Variants in FBXL7 observed in about 807,000 individuals in gnomAD.
FBXL7 encodes F-box/LRR-repeat protein 7.
In FBXL7, 12 loss-of-function variants were observed where a neutral mutation model predicts 38.3. The ratio of observed to expected loss-of-function variants is 0.31; its 90% CI spans 0.20 to 0.51. The LOEUF is 0.51. FBXL7 is among the 20% of genes least tolerant of loss of function. The probability of loss-of-function intolerance (pLI) is 0.98; values close to 1 mark genes in which losing one functional copy is unlikely to be tolerated. For synonymous variants in FBXL7, 297 were observed against 300.9 expected (o/e 0.99, Z 0.13); for missense variants, 567 against 676.4 (o/e 0.84, Z 1.79).
At chr5:15,672,128 T>C (rs1368738243) in intron 2 of FBXL7, among the ~76,000 whole-genome samples, 1 of 152,148 alleles carries the variant, frequency 6.6e-6, no homozygotes, top group African/African-American at 2.4e-5. Flanking sequence ...TCTGCTTTAT[T>C]TTGCCTGCCT....
intron 2 of FBXL7, among the ~76,000 whole-genome samples, chr5:15,896,932 G>A (rs1183194705): frequency 1.3e-5 from 2 of 152,134 alleles, no homozygotes; most frequent in South Asian, 2.1e-4. Flanking sequence ...CCAGGAGTTC[G>A]AGATCAGTTT....
chr5:15,824,427 A>G (rs901624558), intron 2 of FBXL7, among the ~76,000 whole-genome samples: 1 of 152,080 alleles, frequency 6.6e-6, no homozygotes, highest in Middle Eastern at 3.4e-3. Context: ...TTCCCGGCCC[A>G]GTCTGTGATG....
intron 2 of FBXL7, among the ~76,000 whole-genome samples, chr5:15,713,443 A>AC (rs1743942330): frequency 1.3e-5 from 2 of 151,728 alleles, no homozygotes; most frequent in Non-Finnish European, 1.5e-5. Context: ...TTCTCCTTTG[A>AC]CCCCCTCTCA....
chr5:15,844,598 G>C (rs1365289053), intron 2 of FBXL7, among the ~76,000 whole-genome samples: 2 of 152,166 alleles, frequency 1.3e-5, no homozygotes, highest in African/African-American at 2.4e-5. Flanking sequence ...AAGATGAATG[G>C]TCAGAAGTCA....
At chr5:15,633,031 G>C (rs995809411) in intron 2 of FBXL7, among the ~76,000 whole-genome samples, 2 of 152,112 alleles carry the variant, frequency 1.3e-5, no homozygotes, top group Non-Finnish European at 2.9e-5. Context: ...AAAAGTTAAA[G>C]AACAATGTTT....
At chr5:15,614,975 C>T (rs1397974124) in intron 1 of FBXL7, among the ~76,000 whole-genome samples, 1 of 152,136 alleles carries the variant, frequency 6.6e-6, no homozygotes, top group Non-Finnish European at 1.5e-5. Context: ...AAATGCCTTA[C>T]CTTCACGATA....
chr5:15,789,118 G>T (rs904502512), intron 2 of FBXL7, among the ~76,000 whole-genome samples: 1 of 152,066 alleles, frequency 6.6e-6, no homozygotes, highest in Non-Finnish European at 1.5e-5. Flanking sequence ...CCAAAGTGCT[G>T]GGATTACAAG....
chr5:15,794,688 T>C (rs1737369387), intron 2 of FBXL7, among the ~76,000 whole-genome samples: 1 of 152,198 alleles, frequency 6.6e-6, no homozygotes, highest in Admixed American at 6.5e-5. Flanking sequence ...AGCAGCTTTG[T>C]GAACAGTATC....
chr5:15,916,147 T>C (rs936297199), intron 2 of FBXL7, among the ~76,000 whole-genome samples: 4 of 152,192 alleles, frequency 2.6e-5, no homozygotes, highest in Admixed American at 2.6e-4. Flanking sequence ...GGACTAGTTG[T>C]CCATAGAACT....
intron 1 of FBXL7, among the ~76,000 whole-genome samples, chr5:15,551,631 C>T (rs535384073): frequency 6.6e-6 from 1 of 152,302 alleles, no homozygotes; most frequent in Admixed American, 6.5e-5. Flanking sequence ...ATACTTTTAA[C>T]TGTTTTTGAT....
chr5:15,512,498 A>G (rs1004193361), intron 1 of FBXL7, among the ~76,000 whole-genome samples: 5 of 152,186 alleles, frequency 3.3e-5, no homozygotes, highest in East Asian at 1.9e-4. Context: ...AAAACACCCT[A>G]TGAATAGCCG....
At chr5:15,503,640 G>C (rs778011240) in intron 1 of FBXL7, among the ~76,000 whole-genome samples, 1 of 152,154 alleles carries the variant, frequency 6.6e-6, no homozygotes, top group Non-Finnish European at 1.5e-5. Context: ...CCATGTGGAT[G>C]TCCTGAAGTC....
intron 2 of FBXL7, among the ~76,000 whole-genome samples, chr5:15,887,553 C>T (rs902877194): frequency 6.6e-6 from 1 of 152,184 alleles, no homozygotes; most frequent in African/African-American, 2.4e-5. Context: ...TGGCTCCAAA[C>T]CATCAAGGCA....
chr5:15,753,414 C>A (rs2126688590), intron 2 of FBXL7, among the ~76,000 whole-genome samples: 1 of 152,224 alleles, frequency 6.6e-6, no homozygotes, highest in Middle Eastern at 3.4e-3. Flanking sequence ...TCATAACTGG[C>A]CTTCTTTCTT....
intron 1 of FBXL7, among the ~76,000 whole-genome samples, chr5:15,574,714 C>G (rs1738900850): frequency 6.6e-6 from 1 of 152,048 alleles, no homozygotes; most frequent in South Asian, 2.1e-4. Flanking sequence ...GCTTGTAAGC[C>G]TGTATTGAGT....
intron 2 of FBXL7, among the ~76,000 whole-genome samples, chr5:15,859,064 T>C (rs1739360839): frequency 6.6e-6 from 1 of 152,160 alleles, no homozygotes; most frequent in African/African-American, 2.4e-5. Context: ...TACGATCAAG[T>C]GCTAGACAGA....
chr5:15,545,281 T>G (rs1268315244), intron 1 of FBXL7, among the ~76,000 whole-genome samples: 1 of 152,236 alleles, frequency 6.6e-6, no homozygotes, highest in Admixed American at 6.5e-5. Context: ...CCAGACACTT[T>G]ACTAGTTCTC....
chr5:15,682,403 T>A (rs1242144186), intron 2 of FBXL7, among the ~76,000 whole-genome samples: 1 of 152,116 alleles, frequency 6.6e-6, no homozygotes. Context: ...ACAGGTTGGG[T>A]GAACATACAA....
chr5:15,562,270 A>G (rs2126438764), intron 1 of FBXL7, among the ~76,000 whole-genome samples: 1 of 152,264 alleles, frequency 6.6e-6, no homozygotes, highest in East Asian at 1.9e-4. Flanking sequence ...GTGAGGTTAC[A>G]TCAAACTAAA....
Sources: allele counts gnomAD v4.1 joint callset (sites outside exome capture counted in the v4.1 genomes callset), GRCh38; gene constraint gnomAD v4.1.1; transcripts MANE v1.5; gene names NCBI Gene and HGNC (gene_info 2026-07-23, HGNC 2026-07-21).